The following ALG8 variants were observed in gnomAD, a reference collection of about 807,000 sequenced individuals.
ALG8 encodes the protein dolichyl pyrophosphate Glc1Man9GlcNAc2 alpha-1,3-glucosyltransferase.
ALG8 carries 48 observed loss-of-function variants against 70.2 expected under a neutral mutation model. That is an observed-to-expected ratio of 0.68 (90% confidence interval 0.54 to 0.87). The LOEUF is 0.87. Among genes scored for constraint, ALG8 ranks in the 40% least tolerant of loss-of-function variants. ALG8 has a pLI of 0.00. For missense variants in ALG8, 572 were observed against 608.7 expected (o/e 0.94, Z 0.64); for synonymous variants, 234 against 229.0 (o/e 1.02, Z -0.20).
chr11:78,119,739 T>G (rs1439041635), intron 4 of ALG8, among the ~76,000 whole-genome samples: 1 of 152,170 alleles, frequency 6.6e-6, no homozygotes, highest in Non-Finnish European at 1.5e-5. Flanking sequence ...TAAACACATA[T>G]TTTTATTTTT....
At chr11:78,101,750 A>G (rs1859805406) in intron 12 of ALG8, among the ~76,000 whole-genome samples, 1 of 152,248 alleles carries the variant, frequency 6.6e-6, no homozygotes, top group South Asian at 2.1e-4. Context: ...AGCTGCTCAG[A>G]GAGAATTAGT....
chr11:78,105,240 A>G (rs1859964612), intron 10 of ALG8, among the ~76,000 whole-genome samples: 1 of 152,212 alleles, frequency 6.6e-6, no homozygotes, highest in African/African-American at 2.4e-5. Context: ...TGGCCTGACA[A>G]ATTTGCTTAA....
intron 9 of ALG8, among the ~76,000 whole-genome samples, chr11:78,109,008 G>C (rs999566186): frequency 1.3e-5 from 2 of 151,994 alleles, no homozygotes; most frequent in Non-Finnish European, 2.9e-5. Context: ...AGCCTTTGTC[G>C]ACTCTCTCAA....
intron 1 of ALG8, among the ~76,000 whole-genome samples, chr11:78,137,841 A>G (rs984561133): frequency 6.6e-6 from 1 of 152,262 alleles, no homozygotes; most frequent in African/African-American, 2.4e-5. Flanking sequence ...AATGTAACAC[A>G]GACACAAAAT....
intron 9 of ALG8, among the ~76,000 whole-genome samples, chr11:78,107,422 T>C (rs1374929751): frequency 1.4e-5 from 2 of 145,600 alleles, no homozygotes; most frequent in Non-Finnish European, 3.0e-5. Context: ...GGTTTCACCA[T>C]GTTGGCCAGG....
chr11:78,121,251 G>T, intron 3 of ALG8, 77 bp from the exon 4 acceptor site: 1 of 961,510 alleles, frequency 1.0e-6, no homozygotes, highest in Non-Finnish European at 1.7e-6. Flanking sequence ...AGTAAACTAT[G>T]ATACATTAGT....
At chr11:78,121,271 C>G in intron 3 of ALG8, 97 bp from the exon 4 acceptor site, 1 of 771,050 alleles carries the variant, frequency 1.3e-6, no homozygotes, top group East Asian at 2.7e-5. Context: ...TCATTCCTGA[C>G]AAACTACATG....
intron 1 of ALG8, chr11:78,133,654 CA>C (rs1861405924): frequency 6.6e-6 from 1 of 152,162 alleles, no homozygotes. Flanking sequence ...GTAATCCCAG[CA>C]CTTTGGAGGC....
chr11:78,139,462 C>T (rs967403251), intron 1 of ALG8, 32 bp downstream of exon 1: 1 of 1,549,978 alleles, frequency 6.5e-7, no homozygotes, highest in Non-Finnish European at 8.7e-7. Flanking sequence ...CGGGGCCTCC[C>T]CGCCCAGCCC....
At chr11:78,138,222 G>A (rs1337840576) in intron 1 of ALG8, among the ~76,000 whole-genome samples, 1 of 152,000 alleles carries the variant, frequency 6.6e-6, no homozygotes, top group African/African-American at 2.4e-5. Flanking sequence ...GGTGGTGCAA[G>A]CCTGTAATCC....
rs1035626311 is a variant in ALG8 at position 78,125,790 on chromosome 11, G to C, written c.174+1568C>G. On this transcript the variant is annotated intron_variant, in intron 2 of 12. Coordinates refer to ENST00000299626, the MANE Select transcript of ALG8 (RefSeq NM_024079.5). Reference sequence around the variant, plus strand: ...TGCCATTGCACTCCGGCCTGGGTGAGAGTGAGACTTCGTCTCAAAAGAAAA... The same window carrying C: ...TGCCATTGCACTCCGGCCTGGGTGACAGTGAGACTTCGTCTCAAAAGAAAA... 1.6e-4 allele frequency among the ~76,000 whole-genome samples: 24 copies of C among 151,890 alleles called. No individual in the cohort carries two copies. In the South Asian group the frequency reaches 4.0e-3, roughly 25 times the overall value.
intron 1 of ALG8, chr11:78,138,603 A>C (rs781250701): frequency 6.7e-5 from 28 of 415,880 alleles, no homozygotes; most frequent in Non-Finnish European, 1.2e-4. Context: ...ACAAACCCTA[A>C]ACTAGGAAGT....
At chr11:78,132,171 G>A (rs1861336111) in intron 1 of ALG8, among the ~76,000 whole-genome samples, 1 of 152,204 alleles carries the variant, frequency 6.6e-6, no homozygotes, top group African/African-American at 2.4e-5. Flanking sequence ...CCAGTATGCA[G>A]CAGAGCCAGA....
chr11:78,109,346 T>A, intron 9 of ALG8, 96 bp downstream of exon 9: 2 of 1,522,872 alleles, frequency 1.3e-6, no homozygotes, highest in South Asian at 1.1e-5. Flanking sequence ...AAATTTATCC[T>A]ACAGTTGGAA....
intron 1 of ALG8, among the ~76,000 whole-genome samples, chr11:78,128,431 A>G (rs756119189): frequency 1.3e-5 from 2 of 151,836 alleles, no homozygotes; most frequent in Non-Finnish European, 2.9e-5. Flanking sequence ...ACTTTCTCCT[A>G]CCTCCAGCCA....
At chr11:78,117,761 G>A (rs561491636) in intron 5 of ALG8, among the ~76,000 whole-genome samples, 4 of 151,548 alleles carry the variant, frequency 2.6e-5, no homozygotes, top group African/African-American at 9.7e-5. Context: ...CTGGGTGACA[G>A]AGCAAGACTC....
chr11:78,109,701 G>A (rs912454876), intron 8 of ALG8, 120 bp from the exon 9 acceptor site: 5 of 1,008,378 alleles, frequency 5.0e-6, no homozygotes, highest in African/African-American at 3.2e-5. Flanking sequence ...CTGCTTAAAG[G>A]CTAAGATTTC....
chr11:78,121,158 C>A lies in ALG8; in HGVS notation c.385G>T (p.Asp129Tyr). 1 of 1,613,094 alleles carries A rather than the reference C, an allele frequency of 6.2e-7. No individual in the cohort carries two copies. Among genetic ancestry groups the A allele is most frequent in the East Asian group, 2.2e-5 (1 of 44,846 alleles). Residue 129 changes from aspartate (D) to tyrosine (Y), a missense_variant, in exon 4 of 13, where the codon GAT becomes TAT. Asp to Tyr is a radical substitution (Grantham distance 160). Coordinates refer to ENST00000299626, the MANE Select transcript of ALG8 (RefSeq NM_024079.5). The stretch of plus-strand genomic sequence containing the variant: ...AGTTCTTTACCCACTTTTTTTCCAT[C>A]AATGCATTTACAGCACCTACATTGA... ...YAVRECCKCIDGKKVGKELTE... is the reference protein window; with the variant it reads ...YAVRECCKCIYGKKVGKELTE...
intron 10 of ALG8, among the ~76,000 whole-genome samples, chr11:78,106,562 A>C (rs1860042291): frequency 6.6e-6 from 1 of 152,148 alleles, no homozygotes; most frequent in Admixed American, 6.5e-5. Context: ...CTTTCATGGT[A>C]CTTAATCACT....
Sources: gnomAD v4.1 joint callset for allele counts (sites outside exome capture counted in the v4.1 genomes callset) on GRCh38, gnomAD v4.1.1 for gene constraint, MANE v1.5 for transcripts, NCBI Gene and HGNC (gene_info 2026-07-23, HGNC 2026-07-21) for gene names.